Variants in LTBP1 observed in about 807,000 individuals in gnomAD.
LTBP1 encodes latent transforming growth factor beta binding protein 1, also known as latent-transforming growth factor beta-binding protein 1.
A neutral mutation model predicts 207.6 loss-of-function variants in LTBP1; 129 were observed. The observed-to-expected ratio is 0.62, with a 90% CI of 0.54 to 0.72. The LOEUF (loss-of-function observed/expected upper bound fraction) is 0.72, where lower values mean the gene tolerates loss of function less well. Ranked by LOEUF, LTBP1 falls within the 30% of genes least tolerant of loss-of-function variation. The pLI is 0.00. For synonymous variants in LTBP1, 963 were observed against 833.7 expected, an observed-to-expected ratio of 1.16 and a Z score of -2.67; for missense variants, 2,281 against 2,217.2, an observed-to-expected ratio of 1.03 and a Z score of -0.58.
At chr2:33,355,477 A>G (rs918245394) in intron 26 of LTBP1, among the ~76,000 whole-genome samples, 3 of 152,130 alleles carry the variant, frequency 2.0e-5, no homozygotes, top group Non-Finnish European at 2.9e-5. Flanking sequence ...TTGTTACACT[A>G]TACTGTTGTT....
chr2:33,228,996 G>T (rs547710880), intron 9 of LTBP1, among the ~76,000 whole-genome samples: 1 of 151,744 alleles, frequency 6.6e-6, no homozygotes, highest in Non-Finnish European at 1.5e-5. Context: ...ACTGTACCCG[G>T]CCCTAACCAG....
At chr2:32,953,084 G>A (rs181602732) in intron 2 of LTBP1, among the ~76,000 whole-genome samples, 73 of 152,340 alleles carry the variant, frequency 4.8e-4, no homozygotes, top group African/African-American at 1.5e-3. Context: ...ACAGAAAATC[G>A]ATATTCCATT....
chr2:33,285,035 C>CTTTT lies in LTBP1; in HGVS notation c.3112+4895_3112+4898dup, dbSNP rs934497674. On this transcript the variant is annotated intron_variant, in intron 19 of 33. Transcript: ENST00000404816. ...GGTAAAGTAAGTTATGTATCACATT[C>CTTTT]TTTTTTTTTTTTTTTTTTTTTCTGA... Among the ~76,000 whole-genome samples the CTTTT allele has an allele frequency of 4.4e-3, 530 of 120,042 alleles. 7 individuals are homozygous for CTTTT. Among genetic ancestry groups the CTTTT allele is most frequent in the African/African-American group, 0.012 (360 of 31,284 alleles). The allele number at this position is 120,042 out of a possible 152,430, so 78.8% of individuals were successfully genotyped here. A position where few individuals can be genotyped will look rare whatever the true frequency, so the allele number is the denominator to read the frequency against.
rs768608403 is a variant in LTBP1 at position 33,275,841 on chromosome 2, G to T, written c.2910G>T (p.Gly970=). The change falls in exon 18 of 34, where the codon GGG becomes GGT. Residue 970 remains glycine (G), a synonymous_variant. Transcript: ENST00000404816. The part of the protein sequence containing the change: ...ECLRPDVCGE[G]HCVNTVGAFR... The stretch of plus-strand genomic sequence containing the variant: ...TGAGGCCGGACGTCTGTGGGGAGGG[G>T]CACTGTGTCAATACTGTGGGGGCCT... The T allele has an allele frequency of 1.2e-6, 2 of 1,613,822 alleles. No individual in the cohort carries two copies. Among genetic ancestry groups the T allele is most frequent in the African/African-American group, 2.7e-5 (2 of 74,936 alleles).
At chr2:32,973,223 A>G (rs971857254) in intron 2 of LTBP1, among the ~76,000 whole-genome samples, 3 of 152,192 alleles carry the variant, frequency 2.0e-5, no homozygotes, top group Admixed American at 6.6e-5. Context: ...TGATCTGTCT[A>G]ATACTGTCAG....
intron 7 of LTBP1, among the ~76,000 whole-genome samples, chr2:33,217,164 T>C (rs75309411): frequency 0.015 from 2,244 of 152,330 alleles, 22 homozygotes; most frequent in East Asian, 0.027. Flanking sequence ...TTAAGAGTTA[T>C]GTTCCCTGAT....
intron 32 of LTBP1, among the ~76,000 whole-genome samples, chr2:33,390,493 A>AT (rs34522386): frequency 0.1 from 15,064 of 146,410 alleles, 850 homozygotes; most frequent in African/African-American, 0.15. Flanking sequence ...TTCACCACAA[A>AT]TTTTTTTTTT....
chr2:33,042,469 G>C (rs1297448582), intron 3 of LTBP1, among the ~76,000 whole-genome samples: 1 of 152,180 alleles, frequency 6.6e-6, no homozygotes, highest in Admixed American at 6.5e-5. Context: ...AAAAAGCTCA[G>C]GAGGGACTTT....
intron 2 of LTBP1, among the ~76,000 whole-genome samples, chr2:32,975,583 G>GTTTTTTTTTTTTTTTTTTTTTTTTTTTTT (rs779168923): frequency 3.2e-5 from 1 of 31,382 alleles, no homozygotes; most frequent in Non-Finnish European, 5.4e-5. Context: ...TTCATTCTTT[G>GTTTTTTTTTTTTTTTTTTTTTTTTTTTTT]TTTTTTTTTT....
chr2:33,201,219 A>T (rs1258555035), intron 7 of LTBP1, among the ~76,000 whole-genome samples: 4 of 152,198 alleles, frequency 2.6e-5, no homozygotes, highest in African/African-American at 9.7e-5. Context: ...AAAGACTTGG[A>T]ACCAACCCAA....
chr2:33,393,234 C>CTTTTT (rs569734292), intron 32 of LTBP1, among the ~76,000 whole-genome samples: 14 of 48,762 alleles, frequency 2.9e-4, no homozygotes, highest in East Asian at 2.0e-3. Flanking sequence ...CCTTCTTCTT[C>CTTTTT]TTTTTTTTTT....
intron 19 of LTBP1, among the ~76,000 whole-genome samples, chr2:33,282,617 A>T (rs2148604407): frequency 6.6e-6 from 1 of 152,164 alleles, no homozygotes; most frequent in East Asian, 1.9e-4. Flanking sequence ...TACTTCTGGT[A>T]CTCTAAAATA....
chr2:32,999,200 G>T (rs1685733780), intron 2 of LTBP1, among the ~76,000 whole-genome samples: 2 of 152,290 alleles, frequency 1.3e-5, no homozygotes, highest in East Asian at 1.9e-4. Context: ...AGGGTTTCCG[G>T]CCCCACCTTT....
At chr2:32,985,237 G>A (rs1424607478) in intron 2 of LTBP1, among the ~76,000 whole-genome samples, 1 of 149,696 alleles carries the variant, frequency 6.7e-6, no homozygotes, top group Non-Finnish European at 1.5e-5. Flanking sequence ...GTTGGAACAT[G>A]GGTTTTCCTT....
intron 3 of LTBP1, chr2:33,056,312 T>G: frequency 3.3e-6 from 3 of 919,212 alleles, no homozygotes; most frequent in Non-Finnish European, 3.0e-6. Context: ...CGCCTGCAGT[T>G]TTGTTTTGTT....
intron 19 of LTBP1, among the ~76,000 whole-genome samples, chr2:33,286,749 C>A (rs899469033): frequency 3.0e-5 from 3 of 101,026 alleles, no homozygotes; most frequent in Admixed American, 9.7e-5. Flanking sequence ...ACTATGCAGC[C>A]ATAAAAAAAT....
At chr2:33,003,104 A>C (rs544080997) in intron 2 of LTBP1, among the ~76,000 whole-genome samples, 1 of 152,292 alleles carries the variant, frequency 6.6e-6, no homozygotes, top group South Asian at 2.1e-4. Flanking sequence ...CCTGACGTTG[A>C]GGTGGGTTCT....
At chr2:33,157,615 G>A (rs2084074464) in intron 5 of LTBP1, among the ~76,000 whole-genome samples, 1 of 152,222 alleles carries the variant, frequency 6.6e-6, no homozygotes, top group Non-Finnish European at 1.5e-5. Flanking sequence ...TTCCAAGTGA[G>A]ATGGTTTTTG....
At chr2:33,152,738 C>T (rs1221969242) in intron 5 of LTBP1, among the ~76,000 whole-genome samples, 1 of 152,108 alleles carries the variant, frequency 6.6e-6, no homozygotes, top group African/African-American at 2.4e-5. Context: ...ATTTGTATAT[C>T]TTCTTTGGAG....
Sources: allele counts gnomAD v4.1 joint callset (sites outside exome capture counted in the v4.1 genomes callset), GRCh38; gene constraint gnomAD v4.1.1; transcripts MANE v1.5; gene names NCBI Gene and HGNC (gene_info 2026-07-23, HGNC 2026-07-21).